Variants in NARS2 observed in about 807,000 individuals in gnomAD.
NARS2 encodes asparaginyl-tRNA synthetase.
Under a neutral mutation model 62.9 loss-of-function variants are expected in NARS2, and 60 were observed. That is an observed-to-expected ratio of 0.95 (90% CI 0.77 to 1.18). The LOEUF (loss-of-function observed/expected upper bound fraction) is 1.18, where lower values mean the gene tolerates loss of function less well. Among genes scored for constraint, NARS2 ranks in the 50% most tolerant of loss-of-function variants. The probability of loss-of-function intolerance (pLI) is 0.00; values close to 1 mark genes in which losing one functional copy is unlikely to be tolerated. For synonymous variants in NARS2, 196 were observed against 200.0 expected (o/e 0.98, Z 0.17); for missense variants, 619 against 576.4 (o/e 1.07, Z -0.76).
Position 78,551,384 on chromosome 11 carries a change from T to C in NARS2, c.594+8155A>G, listed in dbSNP as rs546744482. On this transcript the variant is annotated intron_variant, in intron 5 of 13. Coordinates refer to ENST00000281038, the MANE Select transcript of NARS2 (RefSeq NM_024678.6). ...TAACACAATGGTAAGCGTGTGTGTA[T>C]GTAAACATATCTAAATATGGAATTG... Among the ~76,000 whole-genome samples, 160 of 152,334 alleles carry C rather than the reference T, an allele frequency of 1.1e-3. 1 individual carries two copies. In the South Asian group the frequency reaches 0.012, roughly 11 times the overall value.
chr11:78,545,463 CT>C (rs1855829409), intron 5 of NARS2, among the ~76,000 whole-genome samples: 1 of 151,554 alleles, frequency 6.6e-6, no homozygotes, highest in Admixed American at 6.6e-5. Flanking sequence ...TTCCTTCTGA[CT>C]GAAATGTTCT....
In NARS2 at chr11:78,528,906, T is replaced by C. The variant is rs370342814; in HGVS notation, c.625A>G (p.Asn209Asp). Residue 209 changes from asparagine (N) to aspartate (D), a missense_variant, in exon 6 of 14, where the codon AAT (asparagine) becomes GAT (aspartate). Physicochemically the swap from Asn to Asp is conservative, Grantham distance 23 (BLOSUM62 1). Coordinates refer to ENST00000281038, the MANE Select transcript of NARS2 (RefSeq NM_024678.6). ...AAGAAAGCAGGAACATTGAAGAAAT[T>C]CTCCTCAGGTACCTTAAGTTTGCCT... ...PSGKLKVPEE[N>D]FFNVPAFLTV... 39 of 1,612,566 alleles carry C rather than the reference T, an allele frequency of 2.4e-5. No homozygotes were observed. The highest frequency in any genetic ancestry group is 3.2e-5 in the Non-Finnish European group (38 of 1,179,244).
intron 6 of NARS2, among the ~76,000 whole-genome samples, chr11:78,515,160 G>C (rs1339654626): frequency 6.6e-6 from 1 of 152,168 alleles, no homozygotes; most frequent in Non-Finnish European, 1.5e-5. Flanking sequence ...TGGTGAGACT[G>C]GGGGTAGGAG....
chr11:78,551,952 C>T (rs1011552862), intron 5 of NARS2, among the ~76,000 whole-genome samples: 5 of 152,128 alleles, frequency 3.3e-5, no homozygotes, highest in African/African-American at 7.2e-5. Flanking sequence ...TTCACCAATA[C>T]GAACCTTCTC....
At chr11:78,454,839 G>A (rs1029920561) in intron 11 of NARS2, among the ~76,000 whole-genome samples, 1 of 151,932 alleles carries the variant, frequency 6.6e-6, no homozygotes, top group African/African-American at 2.4e-5. Context: ...GGCTGGTCTC[G>A]AACTCCTGAC....
At position 78,508,139 on chromosome 11, in the gene NARS2, AAAAG is replaced by A. The variant is rs753714965; in HGVS notation, c.690-14948_690-14945del. Among the ~76,000 whole-genome samples, 16 of 152,324 alleles carry A rather than the reference AAAAG, an allele frequency of 1.1e-4. 1 individual carries two copies. Among genetic ancestry groups the A allele is most frequent in the South Asian group, 4.1e-4 (2 of 4,830 alleles). On this transcript the variant is annotated intron_variant, in intron 6 of 13. Coordinates refer to ENST00000281038, the MANE Select transcript of NARS2 (RefSeq NM_024678.6). ...ACCTCAAAGGCAGATTTCAGCAGGCAAAAGAAAGAATCAGCAAACCTGAAGATAA... is the reference window on the plus strand; with the variant it reads ...ACCTCAAAGGCAGATTTCAGCAGGCAAAAGAATCAGCAAACCTGAAGATAA...
At chr11:78,526,467 AAAC>A (rs1256011590) in intron 6 of NARS2, among the ~76,000 whole-genome samples, 1 of 152,176 alleles carries the variant, frequency 6.6e-6, no homozygotes, top group Non-Finnish European at 1.5e-5. Flanking sequence ...ATTCAAGAAA[AAAC>A]AAAGCTGAGG....
chr11:78,461,964 A>AAAAG (rs751865745), intron 11 of NARS2, among the ~76,000 whole-genome samples: 3 of 152,094 alleles, frequency 2.0e-5, no homozygotes, highest in Non-Finnish European at 4.4e-5. Context: ...TAAAAAAAAG[A>AAAAG]AAAGAAAGAA....
At chr11:78,511,716 C>A (rs1257538919) in intron 6 of NARS2, among the ~76,000 whole-genome samples, 1 of 76,036 alleles carries the variant, frequency 1.3e-5, no homozygotes, top group Non-Finnish European at 3.7e-5. Context: ...GACTCCGTCT[C>A]CAAAGAAAAA....
intron 7 of NARS2, among the ~76,000 whole-genome samples, chr11:78,478,991 C>G (rs182451491): frequency 5.9e-5 from 9 of 152,276 alleles, no homozygotes; most frequent in African/African-American, 2.2e-4. Flanking sequence ...AATAAACTCA[C>G]TGGTAGAATC....
At chr11:78,436,914 AT>A in intron 13 of NARS2, 100 bp from the exon 14 acceptor site, 1 of 1,192,684 alleles carries the variant, frequency 8.4e-7, no homozygotes, top group South Asian at 1.4e-5. Flanking sequence ...ATCATTTGTT[AT>A]TGTTTACCTC....
rs1273887695 is a variant in NARS2 at position 78,568,633 on chromosome 11, T to C, written c.371A>G (p.Lys124Arg). ...KIKVIGNCDA[K>R]DFPIKYKERH... ...CCACAAAAGTGTCAGAAATCATACC[T>C]TGGCATCACAATTTCCAATAACTTT... Residue 124 changes from lysine to arginine, a missense_variant and splice_region_variant, in exon 3 of 14, where the codon AAG (lysine) becomes AGG (arginine). Transcript: ENST00000281038. The C allele has an allele frequency of 6.2e-7, 1 of 1,611,960 alleles. No homozygotes were observed. The highest frequency in any genetic ancestry group is 1.1e-5 in the South Asian group (1 of 90,744).
At chr11:78,504,777 G>C (rs895673688) in intron 6 of NARS2, among the ~76,000 whole-genome samples, 1 of 152,112 alleles carries the variant, frequency 6.6e-6, no homozygotes, top group African/African-American at 2.4e-5. Flanking sequence ...TATAACACCG[G>C]TGAAGAGAGA....
intron 1 of NARS2, among the ~76,000 whole-genome samples, chr11:78,573,935 C>T (rs373146016): frequency 1.6e-4 from 25 of 152,206 alleles, no homozygotes; most frequent in African/African-American, 5.8e-4. Flanking sequence ...GTTTAAAAGG[C>T]ATGGTTTGAA....
chr11:78,444,179 C>T (rs1436436984), intron 11 of NARS2: 1 of 154,324 alleles, frequency 6.5e-6, no homozygotes, highest in East Asian at 1.9e-4. Context: ...AGTAAAAATA[C>T]TTCACATTAT....
intron 6 of NARS2, among the ~76,000 whole-genome samples, chr11:78,523,060 A>C (rs184638400): frequency 6.6e-6 from 1 of 152,344 alleles, no homozygotes; most frequent in East Asian, 1.9e-4. Flanking sequence ...TGTATGCAGA[A>C]TATATAAAGA....
intron 11 of NARS2, among the ~76,000 whole-genome samples, chr11:78,459,779 C>T (rs749872809): frequency 3.5e-4 from 54 of 152,162 alleles, no homozygotes; most frequent in Non-Finnish European, 6.3e-4. Flanking sequence ...GAAGTCCTCA[C>T]GTCTTTTGAC....
chr11:78,468,127 C>T (rs1475301508), intron 10 of NARS2, among the ~76,000 whole-genome samples: 1 of 151,018 alleles, frequency 6.6e-6, no homozygotes, highest in Non-Finnish European at 1.5e-5. Context: ...GTGGCGGATC[C>T]CTTGAGCCTA....
chr11:78,558,209 C>T (rs1395922385), intron 5 of NARS2: 2 of 152,164 alleles, frequency 1.3e-5, no homozygotes, highest in African/African-American at 4.8e-5. Flanking sequence ...TACACAGATG[C>T]TAATACCCCC....
Sources: gnomAD v4.1 joint callset for allele counts (sites outside exome capture counted in the v4.1 genomes callset) on GRCh38, gnomAD v4.1.1 for gene constraint, MANE v1.5 for transcripts, NCBI Gene and HGNC (gene_info 2026-07-23, HGNC 2026-07-21) for gene names.